The following PRKN variants were observed in gnomAD, a reference collection of about 807,000 sequenced individuals.
PRKN encodes parkin RBR E3 ubiquitin protein ligase.
PRKN carries 56 observed loss-of-function variants against 59.5 expected under a neutral mutation model. That is an observed-to-expected ratio of 0.94 (90% CI 0.76 to 1.18). The LOEUF (loss-of-function observed/expected upper bound fraction) is 1.18. Ranked by LOEUF, PRKN falls within the 50% of genes most tolerant of loss-of-function variation. PRKN has a pLI of 0.00. For missense variants in PRKN, 657 were observed against 596.4 expected, an observed-to-expected ratio of 1.10 and a Z score of -1.06; for synonymous variants, 250 against 222.1, an observed-to-expected ratio of 1.13 and a Z score of -1.12.
intron 4 of PRKN, among the ~76,000 whole-genome samples, chr6:162,072,539 A>G (rs1219294563): frequency 6.6e-6 from 1 of 152,206 alleles, no homozygotes; most frequent in African/African-American, 2.4e-5. Flanking sequence ...ATTAATCCAT[A>G]AATAATCCAT....
intron 7 of PRKN, among the ~76,000 whole-genome samples, chr6:161,619,849 G>A (rs150295376): frequency 2.3e-4 from 35 of 151,870 alleles, no homozygotes; most frequent in Non-Finnish European, 3.8e-4. Flanking sequence ...TTTTTACATC[G>A]ATTACATGTT....
chr6:162,371,679 A>G (rs997558369), intron 2 of PRKN, among the ~76,000 whole-genome samples: 2 of 152,174 alleles, frequency 1.3e-5, no homozygotes, highest in Admixed American at 6.5e-5. Context: ...TCCATTCCAC[A>G]ATGGTACTCA....
At chr6:161,744,827 G>A (rs12207329) in intron 7 of PRKN, among the ~76,000 whole-genome samples, 4,088 of 152,290 alleles carry the variant, frequency 0.027, 59 homozygotes, top group Non-Finnish European at 0.034. Flanking sequence ...CCACATCAAC[G>A]GCATTTGGAA....
chr6:161,681,149 CA>C (rs1417516410), intron 7 of PRKN, among the ~76,000 whole-genome samples: 38 of 152,056 alleles, frequency 2.5e-4, no homozygotes, highest in Non-Finnish European at 5.1e-4. Context: ...TGAGTAGAGA[CA>C]GGGTTTTTGC....
In PRKN at chr6:161,356,744, G is replaced by T. The variant is rs922409915; in HGVS notation, c.1285+3344C>A. Among the ~76,000 whole-genome samples the T allele has an allele frequency of 2.6e-5, 4 of 152,100 alleles. No homozygotes were observed. The highest frequency in any genetic ancestry group is 9.7e-5 in the African/African-American group (4 of 41,402). ...AGGTGGGGTGCACCCTAGAGGAAAA[G>T]GTTTTCTAGGAGCAGCTAGCACTCT... is the stretch of plus-strand genomic sequence containing the variant. On this transcript the variant is annotated intron_variant, in intron 11 of 11. Transcript: ENST00000366898. This position sits in a 1 kb window ranked among gnomAD's most constrained non-coding sequence, Gnocchi z 7.8.
chr6:162,339,722 G>A (rs920982254), intron 2 of PRKN, among the ~76,000 whole-genome samples: 1 of 152,166 alleles, frequency 6.6e-6, no homozygotes, highest in African/African-American at 2.4e-5. Context: ...AAAAGATTGA[G>A]AAATCGGATG....
At chr6:162,477,360 G>A (rs937570352) in intron 1 of PRKN, among the ~76,000 whole-genome samples, 1 of 152,122 alleles carries the variant, frequency 6.6e-6, no homozygotes, top group Non-Finnish European at 1.5e-5. Flanking sequence ...TAAATTCGCT[G>A]ATGAATGTTA....
intron 4 of PRKN, among the ~76,000 whole-genome samples, chr6:162,133,378 T>C (rs1426933305): frequency 6.6e-6 from 1 of 152,128 alleles, no homozygotes; most frequent in Non-Finnish European, 1.5e-5. Flanking sequence ...GACTTGAAGA[T>C]ATTTGTCCTT....
chr6:162,380,473 GTATATATA>G (rs3050243), intron 2 of PRKN, among the ~76,000 whole-genome samples: 5,173 of 38,880 alleles, frequency 0.13, 294 homozygotes, highest in East Asian at 0.25. Context: ...ATATATGTGT[GTATATATA>G]TGTATATATA....
intron 6 of PRKN, among the ~76,000 whole-genome samples, chr6:161,937,830 C>G (rs1211292481): frequency 6.6e-6 from 1 of 152,080 alleles, no homozygotes. Flanking sequence ...TGTCTTTCTT[C>G]TTAAACTTTC....
chr6:162,226,011 G>C (rs1295604095), intron 3 of PRKN, among the ~76,000 whole-genome samples: 1 of 147,482 alleles, frequency 6.8e-6, no homozygotes, highest in African/African-American at 2.5e-5. Context: ...TGGAAGCAAT[G>C]ATCCCCCAGG....
At position 161,581,041 on chromosome 6, in the gene PRKN, A is replaced by AATAC. The variant is rs1781318191; in HGVS notation, c.872-11626_872-11625insGTAT. Among the ~76,000 whole-genome samples the AATAC allele has an allele frequency of 7.3e-6, 1 of 137,538 alleles. No individual in the cohort carries two copies. Among genetic ancestry groups the AATAC allele is most frequent in the Non-Finnish European group, 1.6e-5 (1 of 64,424 alleles). The allele number at this position is 137,538 out of a possible 152,430, so 90.2% of individuals were successfully genotyped here. A position where few individuals can be genotyped will look rare whatever the true frequency, so the allele number is the denominator to read the frequency against. On this transcript the variant is annotated intron_variant, in intron 7 of 11. Transcript: ENST00000366898. The surrounding 1 kb of genome is among the most constrained non-coding windows in gnomAD (Gnocchi z 4.5). The stretch of plus-strand genomic sequence containing the variant: ...ACACAGTGAAATCCTGTCTCTACTA[A>AATAC]ACACACACACACACACACACACACA...
At chr6:161,843,612 C>T (rs995306532) in intron 6 of PRKN, among the ~76,000 whole-genome samples, 1 of 152,064 alleles carries the variant, frequency 6.6e-6, no homozygotes, top group African/African-American at 2.4e-5. Context: ...ATGGTGAAAC[C>T]CCATCTCTAC....
At chr6:161,768,139 G>A (rs970046402) in intron 7 of PRKN, among the ~76,000 whole-genome samples, 1 of 151,270 alleles carries the variant, frequency 6.6e-6, no homozygotes, top group African/African-American at 2.4e-5. Flanking sequence ...TCTGATATTT[G>A]AAATGACTAA....
intron 6 of PRKN, among the ~76,000 whole-genome samples, chr6:161,970,445 C>T (rs1304216763): frequency 2.7e-5 from 4 of 150,838 alleles, no homozygotes; most frequent in Admixed American, 1.3e-4. Flanking sequence ...TATAATTATA[C>T]AGCACACACA....
chr6:162,002,584 T>A lies in PRKN; in HGVS notation c.619-29167A>T, dbSNP rs1455191291. Reference sequence around the variant, plus strand: ...TTTTTAATCTTTTCAAATAACCATTTTTTTTTTTGCTTCATTCATTTTTCT... The same window carrying A: ...TTTTTAATCTTTTCAAATAACCATTATTTTTTTTGCTTCATTCATTTTTCT... On this transcript the variant is annotated intron_variant, in intron 5 of 11. Coordinates refer to ENST00000366898, the MANE Select transcript of PRKN (RefSeq NM_004562.3). Among the ~76,000 whole-genome samples the A allele has an allele frequency of 2.1e-4, 3 of 14,218 alleles. No homozygotes were observed. In the Admixed American group the frequency reaches 3.1e-3, roughly 15 times the overall value. 9.3% of individuals were successfully genotyped at this position (14,218 alleles called of 152,430 possible).
At chr6:162,569,136 G>T in intron 1 of PRKN, 2 of 631,842 alleles carry the variant, frequency 3.2e-6, no homozygotes, top group South Asian at 1.6e-5. Context: ...CCTCAGCCGG[G>T]CTGAGGCTAA....
chr6:162,687,360 ATTTT>A (rs1315872829), intron 1 of PRKN, among the ~76,000 whole-genome samples: 1 of 151,664 alleles, frequency 6.6e-6, no homozygotes, highest in Non-Finnish European at 1.5e-5. Context: ...TAATTTTTGT[ATTTT>A]TAGTGGAGAC....
intron 2 of PRKN, among the ~76,000 whole-genome samples, chr6:162,374,608 G>A (rs1191249045): frequency 6.6e-6 from 1 of 151,300 alleles, no homozygotes; most frequent in African/African-American, 2.4e-5. Flanking sequence ...CTTTACTGTT[G>A]GCTTCGTGGT....
Sources: allele counts gnomAD v4.1 joint callset (sites outside exome capture counted in the v4.1 genomes callset), GRCh38; gene constraint gnomAD v4.1.1; non-coding constraint Gnocchi (gnomAD v3.1); transcripts MANE v1.5; gene names NCBI Gene and HGNC (gene_info 2026-07-23, HGNC 2026-07-21).